The following CPAMD8 variants were observed in gnomAD, a reference collection of about 807,000 sequenced individuals.
CPAMD8 encodes C3 and PZP-like alpha-2-macroglobulin domain-containing protein 8.
Under a neutral mutation model 224.7 loss-of-function variants are expected in CPAMD8, and 146 were observed. The ratio of observed to expected loss-of-function variants is 0.65; its 90% CI spans 0.57 to 0.75. CPAMD8 has a LOEUF of 0.75. CPAMD8 is among the 30% of genes least tolerant of loss of function. The probability of loss-of-function intolerance (pLI) is 0.00; values close to 1 mark genes in which losing one functional copy is unlikely to be tolerated. For synonymous variants in CPAMD8, 966 were observed against 1,044.6 expected (o/e 0.92, Z 1.45); for missense variants, 2,301 against 2,537.5 (o/e 0.91, Z 2.00).
At chr19:16,916,115 G>A (rs1189931918) in intron 27 of CPAMD8, among the ~76,000 whole-genome samples, 1 of 151,940 alleles carries the variant, frequency 6.6e-6, no homozygotes, top group Non-Finnish European at 1.5e-5. Flanking sequence ...CCCAGCTCAA[G>A]CGATTCTCCC....
Position 16,907,087 on chromosome 19 carries a change from G to A in CPAMD8, c.3892C>T (p.His1298Tyr). 2 of 1,579,238 alleles carry A rather than the reference G, an allele frequency of 1.3e-6. No individual in the cohort carries two copies. The highest frequency in any genetic ancestry group is 1.7e-6 in the Non-Finnish European group (2 of 1,160,944). The change falls in exon 30 of 42, where the codon CAC becomes TAC. Residue 1298 changes from histidine (H) to tyrosine (Y), a missense_variant. Transcript: ENST00000443236. ...EERGSTDKAR[H>Y]FLESAAPLAM... ...AGGGGCGCAGCAGACTCCAGGAAGT[G>A]CCTCGCTTTGTCAGTGGAGCCTCTC...
chr19:17,018,263 A>AT (rs1034692994), intron 3 of CPAMD8, among the ~76,000 whole-genome samples: 3 of 152,234 alleles, frequency 2.0e-5, no homozygotes, highest in African/African-American at 7.2e-5. Flanking sequence ...CAGGGCTTAC[A>AT]TAATATCTGA....
At chr19:16,945,729 G>A in intron 21 of CPAMD8, 50 bp from the exon 22 acceptor site, 1 of 1,585,940 alleles carries the variant, frequency 6.3e-7, no homozygotes, top group Non-Finnish European at 8.7e-7. Flanking sequence ...ACCCAAGATG[G>A]GGGCTGTCCC....
intron 27 of CPAMD8, among the ~76,000 whole-genome samples, chr19:16,919,401 G>A (rs546275881): frequency 4.2e-4 from 64 of 152,028 alleles, no homozygotes; most frequent in African/African-American, 1.5e-3. Flanking sequence ...GAGCAACTGA[G>A]GCCTCCTGCC....
intron 5 of CPAMD8, among the ~76,000 whole-genome samples, chr19:17,010,946 C>A (rs2056628131): frequency 6.6e-6 from 1 of 152,024 alleles, no homozygotes; most frequent in African/African-American, 2.4e-5. Context: ...TCGCTTGAAC[C>A]CGGGAGGCAG....
chr19:16,896,211 G>A lies in CPAMD8; in HGVS notation c.5391C>T (p.Asp1797=). The A allele has an allele frequency of 6.2e-7, 1 of 1,613,868 alleles. No homozygotes were observed. Among genetic ancestry groups the A allele is most frequent in the Non-Finnish European group, 8.5e-7 (1 of 1,179,988 alleles). Reference sequence around the variant, plus strand: ...CCTCCCCTTCAGGCTCAGGGTCTGAGTCCTCCACCTCAAGGCCGGCTCCAT... The same window carrying A: ...CCTCCCCTTCAGGCTCAGGGTCTGAATCCTCCACCTCAAGGCCGGCTCCAT... The part of the protein sequence containing the change: ...KLNGAGLEVE[D]SDPEPEGEAE... The change falls in exon 41 of 42, where the codon GAC becomes GAT. Residue 1797 remains aspartate (D), a synonymous_variant. Coordinates refer to ENST00000443236, the MANE Select transcript of CPAMD8 (RefSeq NM_015692.5).
intron 22 of CPAMD8, among the ~76,000 whole-genome samples, chr19:16,944,678 C>T (rs1411473862): frequency 6.6e-6 from 1 of 152,148 alleles, no homozygotes; most frequent in African/African-American, 2.4e-5. Context: ...GCACTCTTGT[C>T]CCCAAGGAAT....
chr19:16,945,722 C>T, intron 21 of CPAMD8, 43 bp from the exon 22 acceptor site: 1 of 1,603,080 alleles, frequency 6.2e-7, no homozygotes, highest in South Asian at 1.1e-5. Context: ...GGTCTCCACC[C>T]AAGATGGGGG....
chr19:17,004,316 C>G lies in CPAMD8; in HGVS notation c.630G>C (p.Met210Ile), dbSNP rs1385014870. 6.2e-7 allele frequency: 1 copy of G among 1,613,376 alleles called. No homozygotes were observed. Among genetic ancestry groups the G allele is most frequent in the South Asian group, 1.1e-5 (1 of 91,050 alleles). Residue 210 changes from methionine (M) to isoleucine (I), a missense_variant, in exon 8 of 42, where the codon ATG (methionine) becomes ATC (isoleucine). This residue lies in a region of CPAMD8 where 283 missense variants were observed against 340.6 expected (regional missense o/e 0.83). Coordinates refer to ENST00000443236, the MANE Select transcript of CPAMD8 (RefSeq NM_015692.5). ...AAGACTTGTTGTACGCGTGGCCTTG[C>G]ATTTCAACAAAAATGAACCATTCTC... The part of the protein sequence containing the change: ...VLGEWFIFVE[M>I]QGHAYNKSFE...
chr19:17,014,215 C>T (rs539312756), intron 3 of CPAMD8, among the ~76,000 whole-genome samples: 185 of 152,196 alleles, frequency 1.2e-3, no homozygotes, highest in Non-Finnish European at 2.2e-3. Context: ...CCATGCCCAG[C>T]TAATTTATTT....
intron 29 of CPAMD8, among the ~76,000 whole-genome samples, chr19:16,908,885 AG>A (rs1255689833): frequency 2.6e-5 from 4 of 152,146 alleles, no homozygotes; most frequent in Non-Finnish European, 4.4e-5. Context: ...TCCCAGGGGC[AG>A]GAACAGTGAC....
intron 22 of CPAMD8, among the ~76,000 whole-genome samples, chr19:16,940,888 T>C (rs2122176161): frequency 6.6e-6 from 1 of 152,306 alleles, no homozygotes; most frequent in Non-Finnish European, 1.5e-5. Context: ...GGAAAGGGAT[T>C]TGGAGCAATG....
intron 3 of CPAMD8, among the ~76,000 whole-genome samples, chr19:17,017,724 T>C (rs1470757238): frequency 6.6e-6 from 1 of 152,030 alleles, no homozygotes; most frequent in Admixed American, 6.6e-5. Flanking sequence ...AGAGAAAGGG[T>C]TCTATCATCA....
intron 3 of CPAMD8, among the ~76,000 whole-genome samples, chr19:17,013,130 C>A (rs1028357148): frequency 1.1e-4 from 16 of 151,468 alleles, no homozygotes; most frequent in Non-Finnish European, 2.2e-4. Context: ...GCATTGAGCC[C>A]AGATCGCAAC....
chr19:17,009,271 G>C lies in CPAMD8; in HGVS notation c.504+32C>G, dbSNP rs779323852. On this transcript the variant is annotated intron_variant, in intron 6 of 41. Coordinates refer to ENST00000443236, the MANE Select transcript of CPAMD8 (RefSeq NM_015692.5). ...AGAAGGTGGGCTACCCGGGCCCCAA[G>C]TCCAAGCCGAGGAAGGACAGAGGCC... 2.5e-6 allele frequency: 4 copies of C among 1,613,986 alleles called. No individual in the cohort carries two copies. In the Admixed American group the frequency reaches 6.7e-5, roughly 27 times the overall value.
intron 18 of CPAMD8, 42 bp downstream of exon 18, chr19:16,970,849 G>C (rs2055034823): frequency 6.3e-7 from 1 of 1,597,016 alleles, no homozygotes; most frequent in Non-Finnish European, 8.6e-7. Flanking sequence ...GATGTTAATA[G>C]GACCAGGGTT....
intron 19 of CPAMD8, among the ~76,000 whole-genome samples, chr19:16,955,505 G>T (rs77364830): frequency 6.6e-6 from 1 of 152,082 alleles, no homozygotes; most frequent in African/African-American, 2.4e-5. Flanking sequence ...GTGTTTAATG[G>T]GACAGAGTGT....
rs374429939 is a variant in CPAMD8 at position 16,928,218 on chromosome 19, T to C, written c.3161A>G (p.Glu1054Gly). The C allele has an allele frequency of 1.1e-4, 181 of 1,612,194 alleles. No individual in the cohort carries two copies. The highest frequency in any genetic ancestry group is 1.4e-4 in the Non-Finnish European group (163 of 1,178,644). The change falls in exon 25 of 42, where the codon GAG becomes GGG. Residue 1054 changes from glutamate to glycine, a missense_variant. This residue lies in a region of CPAMD8 where 1,709 missense variants were observed against 1,753.2 expected (regional missense o/e 0.97). Transcript: ENST00000443236. ...GGLIQVGHGP[E>G]PSNESVIVAW... Reference sequence around the variant, plus strand: ...CACAATGACAGACTCATTGGATGGCTCTGGACCATGGCCAACCTGGAAAAA... The same window carrying C: ...CACAATGACAGACTCATTGGATGGCCCTGGACCATGGCCAACCTGGAAAAA...
At chr19:17,022,285 G>C in intron 1 of CPAMD8, 104 bp from the exon 2 acceptor site, 1 of 1,306,726 alleles carries the variant, frequency 7.7e-7, no homozygotes, top group Non-Finnish European at 1.1e-6. Flanking sequence ...CCTGCCTTTT[G>C]CTGACCACAC....
Sources: gnomAD v4.1 joint callset for allele counts (sites outside exome capture counted in the v4.1 genomes callset) on GRCh38, gnomAD v4.1.1 for gene constraint, gnomAD v4.1.1 regional missense constraint, MANE v1.5 for transcripts, NCBI Gene and HGNC (gene_info 2026-07-23, HGNC 2026-07-21) for gene names.